The following SSPN variants were observed in gnomAD, a reference collection of about 807,000 sequenced individuals.
The protein encoded by SSPN is K-ras oncogene-associated protein.
In SSPN, 15 loss-of-function variants were observed where a neutral mutation model predicts 19.1. The ratio of observed to expected loss-of-function variants is 0.78; its 90% CI spans 0.52 to 1.21. The LOEUF is 1.21. SSPN is among the 50% of genes most tolerant of loss of function. The pLI, the probability that SSPN is intolerant of heterozygous loss-of-function variation, is 0.00. For synonymous variants in SSPN, 147 were observed against 140.3 expected (o/e 1.05, Z -0.34); for missense variants, 291 against 314.0 (o/e 0.93, Z 0.55).
At chr12:26,123,722 T>A in intron 1 of SSPN, 1 of 1,613,830 alleles carries the variant, frequency 6.2e-7, no homozygotes, top group East Asian at 2.2e-5. Context: ...GACTACAGCT[T>A]TCTCCAGATG....
chr12:26,131,226 TTAAC>T (rs1324706731), intron 1 of SSPN, among the ~76,000 whole-genome samples: 1 of 152,256 alleles, frequency 6.6e-6, no homozygotes, highest in Non-Finnish European at 1.5e-5. Flanking sequence ...TTGCACAAAC[TTAAC>T]TAACTCCTTA....
rs868352757 is a variant in SSPN, at chr12:26,195,896, C to A, written c.224C>A (p.Ala75Glu). 2 of 1,577,376 alleles carry A rather than the reference C, an allele frequency of 1.3e-6. No individual in the cohort carries two copies. The change falls in exon 1 of 3, where the codon GCG becomes GAG. Residue 75 changes from alanine to glutamate, a missense_variant. By Grantham distance (107) the Ala-to-Glu change is moderately radical. This residue lies in a region of SSPN where 139 missense variants were observed against 119.6 expected (regional missense o/e 1.16). Coordinates refer to ENST00000242729, the MANE Select transcript of SSPN (RefSeq NM_005086.5). ...GTGACCGTGGTGGGCTTCCTCATGG[C>A]GAGCATCAGCTCCTCCCTGCTAGTC... is the stretch of plus-strand genomic sequence containing the variant. ...IAVTVVGFLM[A>E]SISSSLLVRD...
At position 26,230,934 on chromosome 12, in the gene SSPN, T is replaced by C. The variant is rs1591900427; in HGVS notation, c.590T>C (p.Ile197Thr). 6.2e-7 allele frequency: 1 copy of C among 1,614,086 alleles called. No homozygotes were observed. Among genetic ancestry groups the C allele is most frequent in the African/African-American group, 1.3e-5 (1 of 74,934 alleles). ...GGCACTTTCAAACTGTTCTTACTCA[T>C]CCAGATGATTCTTAATTTGGTCTGC... ...VTGTFKLFLL[I>T]QMILNLVCGL... Residue 197 changes from isoleucine (I) to threonine (T), a missense_variant, in exon 3 of 3, where the codon ATC becomes ACC. Around this residue, in one of 3 missense-constraint regions of SSPN, gnomAD observed 141 missense variants for 166.7 expected, o/e 0.85. Transcript: ENST00000242729.
intron 1 of SSPN, among the ~76,000 whole-genome samples, chr12:26,196,791 G>A (rs1312527198): frequency 6.6e-6 from 1 of 152,168 alleles, no homozygotes; most frequent in Non-Finnish European, 1.5e-5. Context: ...CTCAAATGAG[G>A]GAACCCAGGC....
At chr12:26,152,114 C>G (rs553178488) in intron 1 of SSPN, among the ~76,000 whole-genome samples, 295 of 152,262 alleles carry the variant, frequency 1.9e-3, no homozygotes, top group African/African-American at 7.0e-3. Flanking sequence ...TCATTCTAGG[C>G]AATCAACAAA....
At chr12:26,142,123 T>A (rs1244976917) in intron 1 of SSPN, among the ~76,000 whole-genome samples, 1 of 152,182 alleles carries the variant, frequency 6.6e-6, no homozygotes. Flanking sequence ...ATGCTGGGCC[T>A]AAAATGAAAG....
chr12:26,122,792 G>C (rs2137386621), intron 1 of SSPN: 1 of 1,591,690 alleles, frequency 6.3e-7, no homozygotes, highest in African/African-American at 1.4e-5. Context: ...CGCCGCCGTA[G>C]CCGCTGTCGG....
intron 1 of SSPN, among the ~76,000 whole-genome samples, chr12:26,150,099 C>G (rs963844914): frequency 6.6e-6 from 1 of 152,160 alleles, no homozygotes; most frequent in Non-Finnish European, 1.5e-5. Flanking sequence ...CTAGGGCACC[C>G]ATGGTTTATA....
In SSPN at chr12:26,195,780, C is replaced by A; in HGVS notation, c.108C>A (p.Pro36=). The part of the protein sequence containing the change: ...DMEPKKGTGA[P]KECGEEEPRT... ...AGCCGAAGAAGGGCACGGGGGCCCC[C>A]AAGGAGTGCGGGGAGGAGGAGCCCC... The change falls in exon 1 of 3, where the codon CCC becomes CCA. Residue 36 remains proline, a synonymous_variant. Coordinates refer to ENST00000242729, the MANE Select transcript of SSPN (RefSeq NM_005086.5). 1 of 1,518,008 alleles carries A rather than the reference C, an allele frequency of 6.6e-7. No individual in the cohort carries two copies. The highest frequency in any genetic ancestry group is 2.6e-5 in the East Asian group (1 of 37,814). 94.0% of individuals were successfully genotyped at this position (1,518,008 alleles called of 1,614,324 possible).
chr12:26,153,534 A>G (rs1313991163), intron 1 of SSPN, among the ~76,000 whole-genome samples: 1 of 152,114 alleles, frequency 6.6e-6, no homozygotes, highest in Non-Finnish European at 1.5e-5. Context: ...GCCACACACT[A>G]AGTACTTAAA....
rs1349199410 is a variant in SSPN at position 26,232,921 on chromosome 12, C to T, written c.*1845C>T. 1 of 118,412 alleles carries T rather than the reference C, an allele frequency of 8.4e-6. No individual in the cohort carries two copies. Among genetic ancestry groups the T allele is most frequent in the Non-Finnish European group, 1.6e-5 (1 of 61,416 alleles). 7.3% of individuals were successfully genotyped at this position (118,412 alleles called of 1,614,324 possible). A position where few individuals can be genotyped will look rare whatever the true frequency, so the allele number is the denominator to read the frequency against. On this transcript the variant is annotated 3_prime_UTR_variant, in exon 3 of 3. Coordinates refer to ENST00000242729, the MANE Select transcript of SSPN (RefSeq NM_005086.5). ...CAGAATGATGAGGACCTGTAAAATA[C>T]CTTGTGCCCTATTAAAAAAAAAAAA...
chr12:26,190,505 C>A (rs1042761662), upstream of SSPN, among the ~76,000 whole-genome samples: 1 of 152,190 alleles, frequency 6.6e-6, no homozygotes, highest in South Asian at 2.1e-4. Flanking sequence ...CGAGAGATAA[C>A]AGGAAGAAAC....
At position 26,195,642 on chromosome 12, in the gene SSPN, C is replaced by CTGGGGG; in HGVS notation, c.-31_-30insTGGGGG. 1 of 907,522 alleles carries CTGGGGG rather than the reference C, an allele frequency of 1.1e-6. No individual in the cohort carries two copies. The highest frequency in any genetic ancestry group is 1.4e-6 in the Non-Finnish European group (1 of 720,068). 56.2% of individuals were successfully genotyped at this position (907,522 alleles called of 1,614,324 possible). A position where few individuals can be genotyped will look rare whatever the true frequency, so the allele number is the denominator to read the frequency against. ...TCCAGGGCCCAGGGCGCCGCACACG[C>CTGGGGG]ACCCACCCACCCACCCAGCCTCGCA... On this transcript the variant is annotated 5_prime_UTR_variant, in exon 1 of 3. Coordinates refer to ENST00000242729, the MANE Select transcript of SSPN (RefSeq NM_005086.5).
At chr12:26,169,311 C>T (rs1050842114) in intron 1 of SSPN, among the ~76,000 whole-genome samples, 1 of 152,038 alleles carries the variant, frequency 6.6e-6, no homozygotes, top group Non-Finnish European at 1.5e-5. Context: ...ATGACAGCCA[C>T]TCATAATGGG....
intron 1 of SSPN, among the ~76,000 whole-genome samples, chr12:26,153,838 A>C (rs1458784030): frequency 6.6e-6 from 1 of 152,330 alleles, no homozygotes; most frequent in East Asian, 1.9e-4. Flanking sequence ...TCTCATAGTA[A>C]AGTCTAAGTT....
intron 1 of SSPN, among the ~76,000 whole-genome samples, chr12:26,201,030 T>A (rs1449765680): frequency 8.4e-5 from 3 of 35,574 alleles, no homozygotes; most frequent in African/African-American, 2.5e-4. Context: ...TATATATATA[T>A]ATATATATAT....
At chr12:26,221,750 C>T (rs541056273) in intron 1 of SSPN, among the ~76,000 whole-genome samples, 2 of 152,218 alleles carry the variant, frequency 1.3e-5, no homozygotes, top group African/African-American at 2.4e-5. Flanking sequence ...TAGTCTCTAG[C>T]GAAGAAGGCA....
exon 1 of SSPN, chr12:26,122,132 G>A (rs887560316): frequency 6.5e-7 from 1 of 1,548,814 alleles, no homozygotes; most frequent in Non-Finnish European, 8.7e-7. Flanking sequence ...TCCCCGGCTC[G>A]CGGGGCCCGG....
chr12:26,212,946 T>A (rs1316673309), intron 1 of SSPN, among the ~76,000 whole-genome samples: 1 of 151,876 alleles, frequency 6.6e-6, no homozygotes, highest in Non-Finnish European at 1.5e-5. Context: ...TTACAATGCT[T>A]CCCTCCTCTT....
Sources: allele counts gnomAD v4.1 joint callset (sites outside exome capture counted in the v4.1 genomes callset), GRCh38; gene constraint gnomAD v4.1.1; regional missense constraint gnomAD v4.1.1; transcripts MANE v1.5; gene names NCBI Gene and HGNC (gene_info 2026-07-23, HGNC 2026-07-21).